TDRD9: variants seen among roughly 807,000 people sequenced by gnomAD.
TDRD9 encodes the protein tudor domain containing 9.
A neutral mutation model predicts 172.6 loss-of-function variants in TDRD9; 124 were observed. The ratio of observed to expected loss-of-function variants is 0.72; its 90% confidence interval spans 0.62 to 0.83. TDRD9 has a LOEUF of 0.83. TDRD9 is among the 40% of genes least tolerant of loss of function. The pLI is 0.00. For synonymous variants in TDRD9, 619 were observed against 617.1 expected (o/e 1.00, Z -0.05); for missense variants, 1,479 against 1,714.1 (o/e 0.86, Z 2.42).
chr14:103,969,107 A>AG (rs1280424212), intron 5 of TDRD9, among the ~76,000 whole-genome samples: 1 of 151,182 alleles, frequency 6.6e-6, no homozygotes, highest in Non-Finnish European at 1.5e-5. Flanking sequence ...GTAAAAAAAA[A>AG]AAAGCAAAAA....
intron 3 of TDRD9, among the ~76,000 whole-genome samples, chr14:103,964,622 G>T (rs1284469378): frequency 6.6e-6 from 1 of 152,148 alleles, no homozygotes; most frequent in Non-Finnish European, 1.5e-5. Flanking sequence ...TGTCTCCAGG[G>T]TTCAAGCAAT....
chr14:103,941,068 G>A, intron 1 of TDRD9: 2 of 1,534,902 alleles, frequency 1.3e-6, no homozygotes, highest in Non-Finnish European at 8.7e-7. Context: ...TATTTCCCAT[G>A]GCAGTACATC....
chr14:104,012,489 G>A (rs1212430513), intron 20 of TDRD9, among the ~76,000 whole-genome samples: 1 of 149,240 alleles, frequency 6.7e-6, no homozygotes, highest in Non-Finnish European at 1.5e-5. Flanking sequence ...GAGGGAAGGA[G>A]TAGGTGTGGG....
chr14:104,035,105 C>A (rs745395466), intron 32 of TDRD9, 49 bp downstream of exon 32: 6 of 1,417,820 alleles, frequency 4.2e-6, no homozygotes, highest in Admixed American at 2.1e-5. Context: ...AGAACCTGGG[C>A]GGGAAAAAAC....
At chr14:104,048,387 T>C (rs1278293042) in intron 34 of TDRD9, among the ~76,000 whole-genome samples, 6 of 152,190 alleles carry the variant, frequency 3.9e-5, no homozygotes, top group Non-Finnish European at 8.8e-5. Flanking sequence ...TACAGGCATA[T>C]GTGACCACGC....
At position 103,997,875 on chromosome 14, in the gene TDRD9, G is replaced by A. The variant is rs1166637444; in HGVS notation, c.1379-749G>A. Among the ~76,000 whole-genome samples, 3 of 152,190 alleles carry A rather than the reference G, an allele frequency of 2.0e-5. No individual in the cohort carries two copies. The highest frequency in any genetic ancestry group is 2.9e-5 in the Non-Finnish European group (2 of 68,022). Reference sequence around the variant, plus strand: ...AAGAGCAGCTTTGGTGGAAGCAAGCGTCTGCTTGGAGTGGGCTCAAGAAAG... The same window carrying A: ...AAGAGCAGCTTTGGTGGAAGCAAGCATCTGCTTGGAGTGGGCTCAAGAAAG... On this transcript the variant is annotated intron_variant, in intron 12 of 35. Transcript: ENST00000409874. This position sits in a 1 kb window ranked among gnomAD's most constrained non-coding sequence, Gnocchi z 5.1.
intron 1 of TDRD9, among the ~76,000 whole-genome samples, chr14:103,943,494 T>C (rs1360943601): frequency 6.6e-6 from 1 of 150,384 alleles, no homozygotes; most frequent in Non-Finnish European, 1.5e-5. Flanking sequence ...TACACACATA[T>C]ATACACACAC....
chr14:103,952,366 C>T (rs1279297431), intron 1 of TDRD9, among the ~76,000 whole-genome samples: 1 of 146,478 alleles, frequency 6.8e-6, no homozygotes, highest in Non-Finnish European at 1.5e-5. Flanking sequence ...CTCAGCTTCC[C>T]GAGTATCTGG....
chr14:103,978,250 C>A (rs1361323353), intron 7 of TDRD9, among the ~76,000 whole-genome samples: 5 of 152,010 alleles, frequency 3.3e-5, no homozygotes, highest in Admixed American at 3.3e-4. Context: ...ATCTGTACAT[C>A]ACTTTGGGTA....
At chr14:103,989,401 T>TGGTAATAC in intron 8 of TDRD9, among the ~76,000 whole-genome samples, 1 of 152,242 alleles carries the variant, frequency 6.6e-6, no homozygotes, top group Non-Finnish European at 1.5e-5. Context: ...TTTGGATGCA[T>TGGTAATAC]GGTAATACCA....
intron 3 of TDRD9, among the ~76,000 whole-genome samples, chr14:103,964,652 A>T (rs1167663082): frequency 6.6e-6 from 1 of 152,078 alleles, no homozygotes; most frequent in East Asian, 1.9e-4. Context: ...TCAACCTCCC[A>T]AGTAGCTGGG....
At chr14:103,981,687 A>C (rs1478068124) in intron 7 of TDRD9, among the ~76,000 whole-genome samples, 1 of 152,244 alleles carries the variant, frequency 6.6e-6, no homozygotes, top group Non-Finnish European at 1.5e-5. Context: ...GAATGAGTTC[A>C]GAACACTTAT....
chr14:103,934,209 C>T (rs531580449), intron 1 of TDRD9, among the ~76,000 whole-genome samples: 1 of 152,182 alleles, frequency 6.6e-6, no homozygotes, highest in East Asian at 1.9e-4. Context: ...GATGGTGTCT[C>T]ACTATGTTGC....
chr14:103,985,940 A>C (rs981451308), intron 7 of TDRD9, among the ~76,000 whole-genome samples: 1 of 152,170 alleles, frequency 6.6e-6, no homozygotes, highest in Non-Finnish European at 1.5e-5. Context: ...CATCCTGCCA[A>C]ACACACTGCC....
rs549951280 is a variant in TDRD9, at chr14:103,934,488, G to A, written c.215+5764G>A. On this transcript the variant is annotated intron_variant, in intron 1 of 35. Transcript: ENST00000409874. ...CACGGAGCTAACAGGAGATCAAGAG[G>A]TATGTCCTAGCCGAGCACGGTGGCT... Among the ~76,000 whole-genome samples the A allele has an allele frequency of 3.7e-4, 57 of 152,106 alleles. No individual in the cohort carries two copies. In the South Asian group the frequency reaches 0.01, roughly 28 times the overall value.
chr14:103,992,924 C>CAAAAAAAA (rs35212615), intron 9 of TDRD9, among the ~76,000 whole-genome samples: 2 of 58,848 alleles, frequency 3.4e-5, no homozygotes, highest in Non-Finnish European at 6.2e-5. Flanking sequence ...GACTCCATCT[C>CAAAAAAAA]AAAAAAAAAA....
chr14:104,004,303 T>C lies in TDRD9; in HGVS notation c.1549T>C (p.Ser517Pro). 6.2e-7 allele frequency: 1 copy of C among 1,601,026 alleles called. No homozygotes were observed. Among genetic ancestry groups the C allele is most frequent in the South Asian group, 1.1e-5 (1 of 89,352 alleles). The change falls in exon 14 of 36, where the codon TCC becomes CCC. Residue 517 changes from serine to proline, a missense_variant. By Grantham distance (74) the Ser-to-Pro change is moderately conservative. Transcript: ENST00000409874. ...RLVHKDFWDN[S>P]IPDHVVPEML... ...GGTACACAAGGATTTCTGGGACAAC[T>C]CCATCCCTGATCATGTTGTTCCTGA... is the stretch of plus-strand genomic sequence containing the variant.
chr14:103,932,017 A>G (rs1415345862), intron 1 of TDRD9, among the ~76,000 whole-genome samples: 1 of 152,188 alleles, frequency 6.6e-6, no homozygotes, highest in African/African-American at 2.4e-5. Context: ...GACTGATCCT[A>G]CAATTGCAAG....
chr14:103,988,989 C>A (rs535182931), intron 8 of TDRD9, among the ~76,000 whole-genome samples: 1 of 152,256 alleles, frequency 6.6e-6, no homozygotes, highest in African/African-American at 2.4e-5. Flanking sequence ...ATTTGAAATA[C>A]TCTCTGGGGT....
Sources: gnomAD v4.1 joint callset for allele counts (sites outside exome capture counted in the v4.1 genomes callset) on GRCh38, gnomAD v4.1.1 for gene constraint, Gnocchi (gnomAD v3.1) non-coding constraint, MANE v1.5 for transcripts, NCBI Gene and HGNC (gene_info 2026-07-23, HGNC 2026-07-21) for gene names.